Variants in ZYG11B observed in about 807,000 individuals in gnomAD.
The protein encoded by ZYG11B is protein zyg-11 homolog B.
Under a neutral mutation model 82.4 loss-of-function variants are expected in ZYG11B, and 36 were observed. The observed-to-expected ratio is 0.44, with a 90% CI of 0.33 to 0.58. The LOEUF (loss-of-function observed/expected upper bound fraction) is 0.58, where lower values mean the gene tolerates loss of function less well. ZYG11B is among the 20% of genes least tolerant of loss of function. The probability of loss-of-function intolerance (pLI) is 0.02; values close to 1 mark genes in which losing one functional copy is unlikely to be tolerated. For synonymous variants in ZYG11B, 303 were observed against 312.8 expected (o/e 0.97, Z 0.33); for missense variants, 552 against 895.6 (o/e 0.62, Z 4.90).
At chr1:52,789,318 A>G (rs1644936837) in intron 5 of ZYG11B, among the ~76,000 whole-genome samples, 1 of 152,148 alleles carries the variant, frequency 6.6e-6, no homozygotes, top group South Asian at 2.1e-4. Context: ...AAATCTTCCA[A>G]TCGTACACAA....
At chr1:52,803,121 C>T (rs367680323) in intron 10 of ZYG11B, among the ~76,000 whole-genome samples, 6 of 52,532 alleles carry the variant, frequency 1.1e-4, no homozygotes, top group Admixed American at 2.9e-4. Context: ...TATATATACA[C>T]ACATATATAT....
At chr1:52,735,742 T>C (rs1178043791) in intron 1 of ZYG11B, among the ~76,000 whole-genome samples, 1 of 152,138 alleles carries the variant, frequency 6.6e-6, no homozygotes, top group African/African-American at 2.4e-5. Flanking sequence ...TTCACTATGT[T>C]GGCTAGGCTG....
intron 4 of ZYG11B, among the ~76,000 whole-genome samples, chr1:52,781,234 C>T (rs1644853470): frequency 6.6e-6 from 1 of 152,016 alleles, no homozygotes; most frequent in Admixed American, 6.6e-5. Flanking sequence ...CATGGTGGCT[C>T]ACACCTGTAA....
chr1:52,751,601 C>G (rs1282313926), intron 1 of ZYG11B, among the ~76,000 whole-genome samples: 1 of 152,082 alleles, frequency 6.6e-6, no homozygotes, highest in African/African-American at 2.4e-5. Flanking sequence ...CCACTGCACT[C>G]CAGCCTGAGT....
intron 1 of ZYG11B, among the ~76,000 whole-genome samples, chr1:52,735,864 C>T (rs1369678320): frequency 6.6e-6 from 1 of 152,132 alleles, no homozygotes; most frequent in African/African-American, 2.4e-5. Flanking sequence ...ACCTTTTTAA[C>T]ACTGAAAACC....
intron 4 of ZYG11B, among the ~76,000 whole-genome samples, chr1:52,783,992 A>G (rs1290460182): frequency 6.7e-6 from 1 of 149,590 alleles, no homozygotes; most frequent in Non-Finnish European, 1.5e-5. Flanking sequence ...ACACATATAT[A>G]TATATAGAGA....
At position 52,779,854 on chromosome 1, in the gene ZYG11B, T is replaced by C; in HGVS notation, c.953T>C (p.Val318Ala). The C allele has an allele frequency of 6.2e-7, 1 of 1,613,676 alleles. No individual in the cohort carries two copies. Among genetic ancestry groups the C allele is most frequent in the East Asian group, 2.2e-5 (1 of 44,886 alleles). The change falls in exon 4 of 14, where the codon GTG becomes GCG. Residue 318 changes from valine (V) to alanine (A), a missense_variant and splice_region_variant. Physicochemically the swap from Val to Ala is moderately conservative, Grantham distance 64. Around this residue, in one of 3 missense-constraint regions of ZYG11B, gnomAD observed 359 missense variants for 555.8 expected, o/e 0.65. Coordinates refer to ENST00000294353, the MANE Select transcript of ZYG11B (RefSeq NM_024646.3). ...AAGCTAATCTGGTTATGTTCACAGG[T>C]GTCTGGGGAAGCCAATGAAACTCAG... is the stretch of plus-strand genomic sequence containing the variant. ...EFLTGEGHLK[V>A]SGEANETQIA...
intron 6 of ZYG11B, among the ~76,000 whole-genome samples, chr1:52,793,896 C>CTTCCTTTCT (rs1210998017): frequency 1.3e-5 from 2 of 148,974 alleles, no homozygotes; most frequent in South Asian, 4.2e-4. Flanking sequence ...TCCTTCCTTC[C>CTTCCTTTCT]TTCCTTTCTT....
intron 1 of ZYG11B, among the ~76,000 whole-genome samples, chr1:52,752,866 G>T (rs1290219510): frequency 6.6e-6 from 1 of 151,966 alleles, no homozygotes; most frequent in Non-Finnish European, 1.5e-5. Context: ...CTTGGGGTGG[G>T]GTACAGAGTC....
chr1:52,760,444 GACAACA>G (rs557722602), intron 2 of ZYG11B, among the ~76,000 whole-genome samples: 4 of 151,600 alleles, frequency 2.6e-5, no homozygotes, highest in South Asian at 2.1e-4. Context: ...GACTCTTAAC[GACAACA>G]ACAACAACAA....
chr1:52,799,821 T>A (rs1478131385), intron 8 of ZYG11B, among the ~76,000 whole-genome samples: 2 of 151,516 alleles, frequency 1.3e-5, no homozygotes, highest in African/African-American at 2.4e-5. Flanking sequence ...GGAAAAAAAG[T>A]AATGTTATAA....
chr1:52,792,240 T>C (rs951098351), intron 6 of ZYG11B, among the ~76,000 whole-genome samples: 3 of 152,162 alleles, frequency 2.0e-5, no homozygotes, highest in Admixed American at 1.3e-4. Flanking sequence ...AATGAATGAA[T>C]GAATGAATGA....
rs755874217 is a variant in ZYG11B at position 52,796,368 on chromosome 1, A to G, written c.1411A>G (p.Ile471Val). 1.2e-6 allele frequency: 2 copies of G among 1,613,834 alleles called. No homozygotes were observed. The highest frequency in any genetic ancestry group is 2.2e-5 in the East Asian group (1 of 44,866). ...AAACATGCAAAGGATGGCAGTTGCTATCATTTCTATCCTGGCTGCCAAGGT... is the reference window on the plus strand; with the variant it reads ...AAACATGCAAAGGATGGCAGTTGCTGTCATTTCTATCCTGGCTGCCAAGGT... ...DQNMQRMAVAIISILAAKLST... is the reference protein window; with the variant it reads ...DQNMQRMAVAVISILAAKLST... The change falls in exon 7 of 14, where the codon ATC becomes GTC. Residue 471 changes from isoleucine (I) to valine (V), a missense_variant. Ile to Val is a conservative substitution (Grantham distance 29). Around this residue, in one of 3 missense-constraint regions of ZYG11B, gnomAD observed 66 missense variants for 176.4 expected, o/e 0.37. Coordinates refer to ENST00000294353, the MANE Select transcript of ZYG11B (RefSeq NM_024646.3).
In ZYG11B at chr1:52,824,034, G is replaced by C. The variant is rs533191274; in HGVS notation, c.*2405G>C. 3.8e-4 allele frequency: 58 copies of C among 152,366 alleles called. No individual in the cohort carries two copies. The highest frequency in any genetic ancestry group is 1.3e-3 in the African/African-American group (56 of 41,560). The allele number at this position is 152,366 out of a possible 1,614,324, so 9.4% of individuals were successfully genotyped here. A position where few individuals can be genotyped will look rare whatever the true frequency, so the allele number is the denominator to read the frequency against. ...CGCCTATAGTCCCAGCTACTCGGGA[G>C]GCTGAGGCACGAGAATCACTTGAAC... is the stretch of plus-strand genomic sequence containing the variant. On this transcript the variant is annotated 3_prime_UTR_variant, in exon 14 of 14. Coordinates refer to ENST00000294353, the MANE Select transcript of ZYG11B (RefSeq NM_024646.3).
At chr1:52,765,185 CCTAT>C (rs1199482601) in intron 2 of ZYG11B, among the ~76,000 whole-genome samples, 14 of 151,634 alleles carry the variant, frequency 9.2e-5, no homozygotes, top group African/African-American at 2.7e-4. Flanking sequence ...CCACATCCAG[CCTAT>C]CTTTTTTTTT....
chr1:52,790,114 G>T, intron 6 of ZYG11B, 47 bp downstream of exon 6: 1 of 1,379,206 alleles, frequency 7.3e-7, no homozygotes, highest in Non-Finnish European at 1.0e-6. Flanking sequence ...CAGAATGTTA[G>T]AAATCTGTCT....
At chr1:52,738,318 A>G (rs1644395281) in intron 1 of ZYG11B, among the ~76,000 whole-genome samples, 1 of 151,822 alleles carries the variant, frequency 6.6e-6, no homozygotes, top group Admixed American at 6.6e-5. Context: ...GGCTGGGACT[A>G]CAGGTGTTTG....
rs995424240 is a variant in ZYG11B at position 52,747,925 on chromosome 1, A to T, written c.31-8533A>T. 8.5e-5 allele frequency among the ~76,000 whole-genome samples: 13 copies of T among 152,324 alleles called. No individual in the cohort carries two copies. In the East Asian group the frequency reaches 1.9e-3, roughly 23 times the overall value. On this transcript the variant is annotated intron_variant, in intron 1 of 13. Transcript: ENST00000294353. ...CCTTATCTGTAGAATAGGGATACTG[A>T]TGGAATTTAATTTATAGAATTCTTA...
intron 10 of ZYG11B, among the ~76,000 whole-genome samples, chr1:52,809,171 A>C (rs1645164338): frequency 6.6e-6 from 1 of 152,160 alleles, no homozygotes; most frequent in Non-Finnish European, 1.5e-5. Context: ...AAATTGTGGT[A>C]AACAACGTAA....
Sources: gnomAD v4.1 joint callset for allele counts (sites outside exome capture counted in the v4.1 genomes callset) on GRCh38, gnomAD v4.1.1 for gene constraint, gnomAD v4.1.1 regional missense constraint, MANE v1.5 for transcripts, NCBI Gene and HGNC (gene_info 2026-07-23, HGNC 2026-07-21) for gene names.